The following CSMD1 variants were observed in gnomAD, a reference collection of about 807,000 sequenced individuals.
CSMD1 encodes the protein CUB and Sushi multiple domains 1, also known as CUB and sushi domain-containing protein 1.
A neutral mutation model predicts 417.5 loss-of-function variants in CSMD1; 213 were observed. The ratio of observed to expected loss-of-function variants is 0.51; its 90% confidence interval spans 0.46 to 0.57. CSMD1 has a LOEUF of 0.57. Ranked by LOEUF, CSMD1 falls within the 20% of genes least tolerant of loss-of-function variation. The probability of loss-of-function intolerance (pLI) is 0.00; values close to 1 mark genes in which losing one functional copy is unlikely to be tolerated. For missense variants in CSMD1, 6,923 were observed against 4,529.7 expected, an observed-to-expected ratio of 1.53 and a Z score of -15.17; for synonymous variants, 2,862 against 1,736.8, an observed-to-expected ratio of 1.65 and a Z score of -16.11.
intron 1 of CSMD1, among the ~76,000 whole-genome samples, chr8:4,733,306 C>A (rs1327689836): frequency 2.0e-5 from 3 of 152,128 alleles, no homozygotes; most frequent in Non-Finnish European, 4.4e-5. Context: ...AAATGTTGCC[C>A]TCAAAGCAAG....
intron 1 of CSMD1, among the ~76,000 whole-genome samples, chr8:4,830,108 T>G (rs1457193): frequency 0.27 from 40,427 of 152,044 alleles, 5,703 homozygotes; most frequent in Non-Finnish European, 0.29. Flanking sequence ...GCTACATTCT[T>G]GGAAACTCAG....
At chr8:3,357,908 A>G (rs562763494) in intron 21 of CSMD1, among the ~76,000 whole-genome samples, 4 of 152,306 alleles carry the variant, frequency 2.6e-5, no homozygotes, top group African/African-American at 7.2e-5. Context: ...ACAGACACAG[A>G]TGATTTGATT....
chr8:4,553,262 C>CA (rs1369677898), intron 2 of CSMD1, among the ~76,000 whole-genome samples: 2 of 152,160 alleles, frequency 1.3e-5, no homozygotes, highest in Non-Finnish European at 2.9e-5. Context: ...TGTAACAGTT[C>CA]CTCATTCCAC....
At chr8:3,878,819 C>T (rs1349259031) in intron 5 of CSMD1, among the ~76,000 whole-genome samples, 1 of 152,120 alleles carries the variant, frequency 6.6e-6, no homozygotes, top group Non-Finnish European at 1.5e-5. Context: ...ACAAATCCAG[C>T]TTTCCATATC....
At chr8:3,359,973 T>C (rs1489330992) in intron 20 of CSMD1, among the ~76,000 whole-genome samples, 3 of 152,222 alleles carry the variant, frequency 2.0e-5, no homozygotes, top group South Asian at 2.1e-4. Flanking sequence ...ATTTTACTGA[T>C]ATTTCTAATT....
At chr8:4,297,549 T>G (rs1585181968) in intron 3 of CSMD1, among the ~76,000 whole-genome samples, 1 of 152,304 alleles carries the variant, frequency 6.6e-6, no homozygotes, top group East Asian at 1.9e-4. Flanking sequence ...TATGATCAAT[T>G]TATAATGCTA....
At chr8:4,455,957 A>AAAAAAAAAAAAAAAAAC in intron 2 of CSMD1, among the ~76,000 whole-genome samples, 1 of 145,238 alleles carries the variant, frequency 6.9e-6, no homozygotes, top group East Asian at 2.0e-4. Flanking sequence ...AAAAAAAAAA[A>AAAAAAAAAAAAAAAAAC]AAAAAATGCA....
intron 12 of CSMD1, among the ~76,000 whole-genome samples, chr8:3,466,713 GC>G (rs1214898965): frequency 1.3e-5 from 2 of 151,016 alleles, no homozygotes; most frequent in African/African-American, 2.4e-5. Flanking sequence ...AAAGGTGTCA[GC>G]CCCCCTGCCC....
intron 11 of CSMD1, among the ~76,000 whole-genome samples, chr8:3,491,792 G>A (rs1406792465): frequency 4.6e-5 from 7 of 152,184 alleles, no homozygotes; most frequent in South Asian, 4.1e-4. Flanking sequence ...GATGCTACCC[G>A]GGGCAAGATT....
intron 68 of CSMD1, among the ~76,000 whole-genome samples, chr8:2,944,614 G>C (rs1563168646): frequency 6.6e-6 from 1 of 152,060 alleles, no homozygotes; most frequent in South Asian, 2.1e-4. Flanking sequence ...CGTTTGGTTT[G>C]GGTAGCTTTC....
chr8:3,896,390 C>A lies in CSMD1; in HGVS notation c.818+101513G>T, dbSNP rs1807367482. On this transcript the variant is annotated intron_variant, in intron 5 of 69. Coordinates refer to ENST00000635120, the MANE Select transcript of CSMD1 (RefSeq NM_033225.6). ...TAATAGTCCAAACAGATGTTAACAACAGTGATTAATCTTCACATGGAAAAT... is the reference window on the plus strand; with the variant it reads ...TAATAGTCCAAACAGATGTTAACAAAAGTGATTAATCTTCACATGGAAAAT... 3.3e-5 allele frequency among the ~76,000 whole-genome samples: 5 copies of A among 152,298 alleles called. No individual in the cohort carries two copies. The South Asian group carries it at 1.0e-3, about 32-fold the overall frequency.
intron 1 of CSMD1, among the ~76,000 whole-genome samples, chr8:4,731,417 T>C (rs937739520): frequency 6.6e-6 from 1 of 152,186 alleles, no homozygotes; most frequent in African/African-American, 2.4e-5. Flanking sequence ...TATTTTTCCG[T>C]ATTGGAGTAT....
chr8:4,608,154 G>A (rs186025662), intron 2 of CSMD1, among the ~76,000 whole-genome samples: 2 of 152,262 alleles, frequency 1.3e-5, no homozygotes, highest in East Asian at 1.9e-4. Flanking sequence ...CATTAGAGGG[G>A]ACCCTAGGAG....
At chr8:4,270,488 G>A (rs1260318429) in intron 3 of CSMD1, among the ~76,000 whole-genome samples, 1 of 152,050 alleles carries the variant, frequency 6.6e-6, no homozygotes, top group Non-Finnish European at 1.5e-5. Context: ...TCCCCATGTG[G>A]CATATCTCCA....
At position 4,637,364 on chromosome 8, in the gene CSMD1, G is replaced by C. The variant is rs765357398; in HGVS notation, c.280C>G (p.Gln94Glu). The C allele has an allele frequency of 8.1e-6, 13 of 1,613,682 alleles. No individual in the cohort carries two copies. The highest frequency in any genetic ancestry group is 2.2e-5 in the East Asian group (1 of 44,870). The stretch of plus-strand genomic sequence containing the variant: ...TACCTCACTTTTAAATTCCCTTGTT[G>C]AGGCTGTCCATCGTAAACTGATAAA... ...DILSVYDGQP[Q>E]QGNLKVRLSG... The change falls in exon 2 of 70, where the codon CAA becomes GAA. Residue 94 changes from glutamine (Q) to glutamate (E), a missense_variant. Transcript: ENST00000635120.
At chr8:3,129,922 A>G (rs997450866) in intron 41 of CSMD1, among the ~76,000 whole-genome samples, 2 of 152,070 alleles carry the variant, frequency 1.3e-5, no homozygotes, top group Non-Finnish European at 2.9e-5. Context: ...CGGAGGTTGC[A>G]GTGAGCCGAG....
At chr8:3,630,108 T>C (rs1397529112) in intron 7 of CSMD1, among the ~76,000 whole-genome samples, 1 of 152,232 alleles carries the variant, frequency 6.6e-6, no homozygotes. Context: ...AATAGAAAGT[T>C]AATTGTAGCC....
chr8:4,974,756 G>A (rs1356940496), intron 1 of CSMD1, among the ~76,000 whole-genome samples: 2 of 152,116 alleles, frequency 1.3e-5, no homozygotes, highest in Admixed American at 1.3e-4. Context: ...CTGACTAGAA[G>A]GTGATTTTTT....
chr8:4,976,677 T>C (rs1347854355), intron 1 of CSMD1, among the ~76,000 whole-genome samples: 1 of 152,200 alleles, frequency 6.6e-6, no homozygotes, highest in Non-Finnish European at 1.5e-5. Flanking sequence ...TGAGAAGGTA[T>C]TTTACTCCAG....
Sources: gnomAD v4.1 joint callset for allele counts (sites outside exome capture counted in the v4.1 genomes callset) on GRCh38, gnomAD v4.1.1 for gene constraint, MANE v1.5 for transcripts, NCBI Gene and HGNC (gene_info 2026-07-23, HGNC 2026-07-21) for gene names.